The following ZNF407 variants were observed in gnomAD, a reference collection of about 807,000 sequenced individuals.
ZNF407 encodes the protein zinc finger protein 407.
Under a neutral mutation model 131.2 loss-of-function variants are expected in ZNF407, and 17 were observed. That is an observed-to-expected ratio of 0.13 (90% confidence interval 0.09 to 0.19). The LOEUF (loss-of-function observed/expected upper bound fraction) is 0.19, where lower values mean the gene tolerates loss of function less well. Ranked by LOEUF, ZNF407 falls within the 10% of genes least tolerant of loss-of-function variation. The pLI, the probability that ZNF407 is intolerant of heterozygous loss-of-function variation, is 1.00. For missense variants in ZNF407, 2,681 were observed against 2,830.6 expected, an observed-to-expected ratio of 0.95 and a Z score of 1.20; for synonymous variants, 1,156 against 1,062.0, an observed-to-expected ratio of 1.09 and a Z score of -1.72.
chr18:74,793,449 T>G (rs1969863002), intron 4 of ZNF407, among the ~76,000 whole-genome samples: 1 of 152,234 alleles, frequency 6.6e-6, no homozygotes, highest in African/African-American at 2.4e-5. Context: ...ATGCTTGATG[T>G]GTAAACAAAG....
In ZNF407 at chr18:74,938,523, T is replaced by A. The variant is rs186468055; in HGVS notation, c.5428+17831T>A. ...TTTTTTTTTACCTCCAACCATTTTTTAAAATTTTATCCATTTACTCGTGTA... is the reference window on the plus strand; with the variant it reads ...TTTTTTTTTACCTCCAACCATTTTTAAAAATTTTATCCATTTACTCGTGTA... On this transcript the variant is annotated intron_variant, in intron 8 of 8. Coordinates refer to ENST00000299687, the MANE Select transcript of ZNF407 (RefSeq NM_017757.3). Among the ~76,000 whole-genome samples, 324 of 152,356 alleles carry A rather than the reference T, an allele frequency of 2.1e-3. 5 individuals carry two copies. The highest frequency in any genetic ancestry group is 5.1e-4 in the Non-Finnish European group (35 of 68,036).
intron 8 of ZNF407, among the ~76,000 whole-genome samples, chr18:74,926,836 T>C (rs1286411570): frequency 1.3e-5 from 2 of 152,216 alleles, no homozygotes; most frequent in African/African-American, 2.4e-5. Context: ...AAAATAGTTT[T>C]ACATTTAATC....
At chr18:74,965,527 A>C (rs557589567) in intron 8 of ZNF407, among the ~76,000 whole-genome samples, 1 of 152,140 alleles carries the variant, frequency 6.6e-6, no homozygotes, top group African/African-American at 2.4e-5. Flanking sequence ...TCCATTGTAT[A>C]TATCTACTGC....
chr18:74,925,985 C>T (rs1971908157), intron 8 of ZNF407, among the ~76,000 whole-genome samples: 1 of 152,178 alleles, frequency 6.6e-6, no homozygotes, highest in African/African-American at 2.4e-5. Context: ...TCCTTGTTTT[C>T]CAGTGTCCTG....
intron 3 of ZNF407, among the ~76,000 whole-genome samples, chr18:74,766,904 T>A (rs1247653536): frequency 2.6e-5 from 4 of 152,192 alleles, no homozygotes; most frequent in East Asian, 1.9e-4. Context: ...TTTATTTTTT[T>A]AAATTTCTTC....
At chr18:75,026,898 CT>C (rs1973177554) in intron 8 of ZNF407, among the ~76,000 whole-genome samples, 1 of 152,186 alleles carries the variant, frequency 6.6e-6, no homozygotes, top group Non-Finnish European at 1.5e-5. Context: ...GGAGCATCAG[CT>C]GGGTGTCAGT....
intron 4 of ZNF407, among the ~76,000 whole-genome samples, chr18:74,797,099 A>G (rs1240677479): frequency 6.6e-6 from 1 of 152,204 alleles, no homozygotes; most frequent in African/African-American, 2.4e-5. Flanking sequence ...CAGTGCATGT[A>G]GTGTCAGGAG....
chr18:74,778,574 C>T (rs1969523736), intron 3 of ZNF407, among the ~76,000 whole-genome samples: 1 of 152,050 alleles, frequency 6.6e-6, no homozygotes, highest in African/African-American at 2.4e-5. Context: ...GTCACCTGTG[C>T]ATCACAGCTG....
rs552377756 is a variant in ZNF407, at chr18:74,761,830, G to A, written c.4803-19598G>A. Among the ~76,000 whole-genome samples, 7 of 152,082 alleles carry A rather than the reference G, an allele frequency of 4.6e-5. 1 individual carries two copies. Among genetic ancestry groups the A allele is most frequent in the African/African-American group, 1.7e-4 (7 of 41,502 alleles). ...TAGAGTATATCTAAATTATACATTT[G>A]CCACCATGTAAACAATACCAAATAA... On this transcript the variant is annotated intron_variant, in intron 3 of 8. Coordinates refer to ENST00000299687, the MANE Select transcript of ZNF407 (RefSeq NM_017757.3).
chr18:74,833,588 C>T lies in ZNF407; in HGVS notation c.4878-43609C>T, dbSNP rs1970514535. 2.0e-5 allele frequency among the ~76,000 whole-genome samples: 3 copies of T among 152,146 alleles called. No individual in the cohort carries two copies. In the South Asian group the frequency reaches 6.2e-4, roughly 32 times the overall value. On this transcript the variant is annotated intron_variant, in intron 4 of 8. Coordinates refer to ENST00000299687, the MANE Select transcript of ZNF407 (RefSeq NM_017757.3). ...ACAGAAAGCAGACTTCTGTGGTGGA[C>T]ACACAGCGCGAGGGGGACAGGAAGG...
rs1673889 is a variant in ZNF407, at chr18:74,672,619, A to G, written c.4802+31497A>G. On this transcript the variant is annotated intron_variant, in intron 3 of 8. Transcript: ENST00000299687. Reference sequence around the variant, plus strand: ...TTGTTGGAGCACTGTTTTTCTGTTCATTGGAGCACTGTTTATTCATTGGAG... The same window carrying G: ...TTGTTGGAGCACTGTTTTTCTGTTCGTTGGAGCACTGTTTATTCATTGGAG... Among the ~76,000 whole-genome samples the G allele has an allele frequency of 2.9e-4, 43 of 150,378 alleles. 1 individual carries two copies. The highest frequency in any genetic ancestry group is 9.8e-4 in the African/African-American group (40 of 40,746).
intron 8 of ZNF407, among the ~76,000 whole-genome samples, chr18:74,988,159 A>G (rs4891214): frequency 0.17 from 25,239 of 152,248 alleles, 2,300 homozygotes; most frequent in Admixed American, 0.28. Flanking sequence ...GATGCCAAGG[A>G]GGAAGGAATG....
intron 7 of ZNF407, among the ~76,000 whole-genome samples, chr18:74,893,003 A>G (rs1177644098): frequency 6.6e-6 from 1 of 152,192 alleles, no homozygotes; most frequent in Non-Finnish European, 1.5e-5. Context: ...ATTTATGCAT[A>G]CAAGTATTTC....
chr18:74,926,803 A>G (rs909695503), intron 8 of ZNF407, among the ~76,000 whole-genome samples: 1 of 152,226 alleles, frequency 6.6e-6, no homozygotes, highest in South Asian at 2.1e-4. Context: ...ACTCTGTCTC[A>G]AGGTAAATAA....
At position 74,635,316 on chromosome 18, in the gene ZNF407, A is replaced by T; in HGVS notation, c.4297A>T (p.Ile1433Leu). 1 of 1,614,058 alleles carries T rather than the reference A, an allele frequency of 6.2e-7. No individual in the cohort carries two copies. Among genetic ancestry groups the T allele is most frequent in the Non-Finnish European group, 8.5e-7 (1 of 1,179,906 alleles). ...ADGLSGLNVH[I>L]AMKHPTKEKH... ...TGGACTGAGTGGACTGAATGTTCAC[A>T]TAGCCATGAAGCATCCTACAAAAGA... Residue 1433 changes from isoleucine (I) to leucine (L), a missense_variant, in exon 2 of 9, where the codon ATA becomes TTA. Transcript: ENST00000299687. The surrounding 1 kb of genome is among the most constrained non-coding windows in gnomAD (Gnocchi z 4.7).
At chr18:74,926,698 G>A (rs1307453205) in intron 8 of ZNF407, among the ~76,000 whole-genome samples, 1 of 152,164 alleles carries the variant, frequency 6.6e-6, no homozygotes, top group African/African-American at 2.4e-5. Context: ...AGCTACTTGG[G>A]AGGCTGAGAC....
intron 3 of ZNF407, among the ~76,000 whole-genome samples, chr18:74,650,592 A>C (rs1985181782): frequency 6.6e-6 from 1 of 152,094 alleles, no homozygotes; most frequent in African/African-American, 2.4e-5. Flanking sequence ...TTGGTCATAC[A>C]CTTTAGGGTG....
chr18:74,611,864 T>A (rs1983072346), intron 1 of ZNF407, among the ~76,000 whole-genome samples: 1 of 152,196 alleles, frequency 6.6e-6, no homozygotes, highest in Non-Finnish European at 1.5e-5. Context: ...TCAAGCCCTG[T>A]AGGGAATGTG....
chr18:74,942,280 G>A (rs999845013), intron 8 of ZNF407, among the ~76,000 whole-genome samples: 2 of 152,200 alleles, frequency 1.3e-5, no homozygotes, highest in South Asian at 2.1e-4. Context: ...TCAGAGAAAA[G>A]TGAAGATCAT....
Sources: gnomAD v4.1 joint callset for allele counts (sites outside exome capture counted in the v4.1 genomes callset) on GRCh38, gnomAD v4.1.1 for gene constraint, Gnocchi (gnomAD v3.1) non-coding constraint, MANE v1.5 for transcripts, NCBI Gene and HGNC (gene_info 2026-07-23, HGNC 2026-07-21) for gene names.